The following FMN1 variants were observed in gnomAD, a reference collection of about 807,000 sequenced individuals.
FMN1 encodes formin 1.
Under a neutral mutation model 132.4 loss-of-function variants are expected in FMN1, and 110 were observed. That is an observed-to-expected ratio of 0.83 (90% CI 0.71 to 0.97). The LOEUF is 0.97. Among genes scored for constraint, FMN1 ranks in the 50% least tolerant of loss-of-function variants. The probability of loss-of-function intolerance (pLI) is 0.00; values close to 1 mark genes in which losing one functional copy is unlikely to be tolerated. For synonymous variants in FMN1, 722 were observed against 651.7 expected (o/e 1.11, Z -1.64); for missense variants, 1,792 against 1,705.3 (o/e 1.05, Z -0.90).
At chr15:33,100,061 T>C (rs1434560070) in intron 4 of FMN1, among the ~76,000 whole-genome samples, 3 of 152,162 alleles carry the variant, frequency 2.0e-5, no homozygotes, top group African/African-American at 7.2e-5. Context: ...AGTAGGGAAC[T>C]TAGCCATCAT....
chr15:33,008,085 CAA>C lies in FMN1; in HGVS notation c.2162-12_2162-11del. The C allele has an allele frequency of 6.3e-7, 1 of 1,583,474 alleles. No individual in the cohort carries two copies. Among genetic ancestry groups the C allele is most frequent in the East Asian group, 2.3e-5 (1 of 44,220 alleles). On this transcript the variant is annotated splice_polypyrimidine_tract_variant and intron_variant, in intron 6 of 20. Coordinates refer to ENST00000616417, the MANE Select transcript of FMN1 (RefSeq NM_001277313.2). ...ATAGCAGCTTGGTATTCTGTAAAAT[CAA>C]AAAAGAGGCCAATTATAAAGAAGTA...
rs115655216 is a variant in FMN1, at chr15:32,966,221, T to A, written c.2988-1964A>T. Among the ~76,000 whole-genome samples, 573 of 152,280 alleles carry A rather than the reference T, an allele frequency of 3.8e-3. 3 individuals are homozygous for A. Among genetic ancestry groups the A allele is most frequent in the African/African-American group, 0.013 (540 of 41,576 alleles). On this transcript the variant is annotated intron_variant, in intron 8 of 20. Coordinates refer to ENST00000616417, the MANE Select transcript of FMN1 (RefSeq NM_001277313.2). ...GGTCAGGCCAGTGTAACTAGTATTA[T>A]AATTCACTTATATTCTGGAGTAAAT...
chr15:32,881,062 T>G (rs556694190), intron 16 of FMN1, among the ~76,000 whole-genome samples: 1 of 149,844 alleles, frequency 6.7e-6, no homozygotes, highest in South Asian at 2.1e-4. Context: ...CATTGTGGGG[T>G]TTTTTGTTTT....
In FMN1 at chr15:33,088,814, C is replaced by T. The variant is rs62000392; in HGVS notation, c.2028G>A (p.Leu676=). The change falls in exon 5 of 21, where the codon TTG becomes TTA. Residue 676 remains leucine (L), a synonymous_variant. Transcript: ENST00000616417. ...TTCTACTTACATGGAGATCCAAGTA[C>T]AATTCGCTCCTGTTTGACTTCTCCC... ...EEREKSNRSE[L]YLDLHPDHSL... is the part of the protein sequence containing the mutation. 3.9e-4 allele frequency: 597 copies of T among 1,535,508 alleles called. 1 individual carries two copies. In the African/African-American group the frequency reaches 7.6e-3, roughly 19 times the overall value.
chr15:32,790,157 A>G (rs2057024958), intron 19 of FMN1, among the ~76,000 whole-genome samples: 1 of 152,256 alleles, frequency 6.6e-6, no homozygotes, highest in Non-Finnish European at 1.5e-5. Flanking sequence ...AAAAGAAGGC[A>G]GTTAGGCTGA....
At position 32,769,346 on chromosome 15, in the gene FMN1, T is replaced by C. The variant is rs1029887863; in HGVS notation, c.*4964A>G. The stretch of plus-strand genomic sequence containing the variant: ...AGCATTGATCTGGAAGTTCAGTAGA[T>C]TGCCCATTCCTTGGGAAGGGAGATG... On this transcript the variant is annotated 3_prime_UTR_variant, in exon 21 of 21. Transcript: ENST00000616417. 25 of 152,232 alleles carry C rather than the reference T, an allele frequency of 1.6e-4. No individual in the cohort carries two copies. The highest frequency in any genetic ancestry group is 6.0e-4 in the African/African-American group (25 of 41,456). The allele number at this position is 152,232 out of a possible 1,614,324, so 9.4% of individuals were successfully genotyped here.
At chr15:33,014,112 A>C (rs2034896872) in intron 6 of FMN1, among the ~76,000 whole-genome samples, 1 of 152,262 alleles carries the variant, frequency 6.6e-6, no homozygotes, top group Admixed American at 6.5e-5. Context: ...ATCCCTGGGC[A>C]GCATGTAGAA....
intron 15 of FMN1, among the ~76,000 whole-genome samples, chr15:32,895,746 T>A (rs942264827): frequency 2.0e-5 from 2 of 99,808 alleles, no homozygotes; most frequent in Admixed American, 8.8e-5. Flanking sequence ...AGAAAGTTTT[T>A]TTTCTTGTTA....
At chr15:33,174,035 A>G (rs1965426703) in intron 3 of FMN1, among the ~76,000 whole-genome samples, 1 of 152,178 alleles carries the variant, frequency 6.6e-6, no homozygotes, top group Non-Finnish European at 1.5e-5. Context: ...CTAAGGTTCA[A>G]TATAATATGT....
At chr15:33,126,144 G>A (rs1314153247) in intron 4 of FMN1, among the ~76,000 whole-genome samples, 1 of 152,092 alleles carries the variant, frequency 6.6e-6, no homozygotes, top group Non-Finnish European at 1.5e-5. Flanking sequence ...CTGACTAAAT[G>A]AGTTTATCCC....
At chr15:32,908,940 C>T (rs2060493554) in intron 11 of FMN1, among the ~76,000 whole-genome samples, 1 of 152,184 alleles carries the variant, frequency 6.6e-6, no homozygotes, top group African/African-American at 2.4e-5. Flanking sequence ...GAATATTGTT[C>T]TTAGAATTTG....
At chr15:33,111,257 A>C (rs1435212361) in intron 4 of FMN1, among the ~76,000 whole-genome samples, 2 of 152,170 alleles carry the variant, frequency 1.3e-5, no homozygotes, top group African/African-American at 4.8e-5. Context: ...GATCCTTTGA[A>C]ATGCAAATCG....
intron 7 of FMN1, among the ~76,000 whole-genome samples, chr15:32,997,407 G>GA (rs1292372011): frequency 6.6e-6 from 1 of 150,964 alleles, no homozygotes; most frequent in Non-Finnish European, 1.5e-5. Flanking sequence ...CAGGACGAGA[G>GA]AAAAAATTAA....
intron 12 of FMN1, among the ~76,000 whole-genome samples, chr15:32,906,141 C>T (rs1305206362): frequency 3.3e-5 from 5 of 152,168 alleles, no homozygotes; most frequent in African/African-American, 9.7e-5. Context: ...GTAGCAGAAA[C>T]GCATGATCTC....
chr15:32,846,222 A>C (rs561486480), intron 17 of FMN1, among the ~76,000 whole-genome samples: 2 of 152,322 alleles, frequency 1.3e-5, no homozygotes, highest in Non-Finnish European at 1.5e-5. Flanking sequence ...ATGTAGAAAA[A>C]AGTATTGCTT....
intron 10 of FMN1, among the ~76,000 whole-genome samples, chr15:32,914,904 A>G (rs776115709): frequency 6.6e-5 from 10 of 152,222 alleles, no homozygotes; most frequent in Non-Finnish European, 1.2e-4. Flanking sequence ...AAAGGAATGG[A>G]GTAGAGAGGA....
chr15:33,188,614 TA>T (rs1965970640), intron 2 of FMN1, among the ~76,000 whole-genome samples: 1 of 152,154 alleles, frequency 6.6e-6, no homozygotes, highest in African/African-American at 2.4e-5. Flanking sequence ...TTTTTCTTAA[TA>T]AATTCTGTTA....
intron 9 of FMN1, among the ~76,000 whole-genome samples, chr15:32,939,182 G>T (rs2061346758): frequency 6.6e-6 from 1 of 152,276 alleles, no homozygotes; most frequent in Non-Finnish European, 1.5e-5. Flanking sequence ...AATACTTCAG[G>T]CTCAAGAGTC....
intron 9 of FMN1, among the ~76,000 whole-genome samples, chr15:32,944,981 A>C (rs1482050477): frequency 6.6e-6 from 1 of 152,162 alleles, no homozygotes; most frequent in Non-Finnish European, 1.5e-5. Context: ...AACAGCTTTG[A>C]TTTTAGACTT....
Sources: gnomAD v4.1 joint callset for allele counts (sites outside exome capture counted in the v4.1 genomes callset) on GRCh38, gnomAD v4.1.1 for gene constraint, MANE v1.5 for transcripts, NCBI Gene and HGNC (gene_info 2026-07-23, HGNC 2026-07-21) for gene names.